DCC: variants seen among roughly 807,000 people sequenced by gnomAD.
The protein encoded by DCC is netrin receptor DCC.
A neutral mutation model predicts 172.5 loss-of-function variants in DCC; 58 were observed. The ratio of observed to expected loss-of-function variants is 0.34; its 90% CI spans 0.27 to 0.42. The LOEUF is 0.42. Ranked by LOEUF, DCC falls within the 10% of genes least tolerant of loss-of-function variation. DCC has a pLI of 1.00. For missense variants in DCC, 1,740 were observed against 1,791.0 expected, an observed-to-expected ratio of 0.97 and a Z score of 0.51; for synonymous variants, 709 against 644.5, an observed-to-expected ratio of 1.10 and a Z score of -1.52.
intron 5 of DCC, among the ~76,000 whole-genome samples, chr18:53,013,660 TAACA>T: frequency 6.7e-6 from 1 of 150,136 alleles, no homozygotes; most frequent in East Asian, 2.0e-4. Context: ...TATACTTGTG[TAACA>T]AACTTGCACA....
At chr18:52,669,760 C>T (rs1278831763) in intron 1 of DCC, among the ~76,000 whole-genome samples, 1 of 152,160 alleles carries the variant, frequency 6.6e-6, no homozygotes, top group Non-Finnish European at 1.5e-5. Context: ...AACCCCACCT[C>T]CATGGGGGTT....
rs565964932 is a variant in DCC at position 53,190,684 on chromosome 18, C to T, written c.1573+11568C>T. 2.0e-5 allele frequency among the ~76,000 whole-genome samples: 3 copies of T among 152,262 alleles called. No individual in the cohort carries two copies. The East Asian group carries it at 5.8e-4, about 29-fold the overall frequency. On this transcript the variant is annotated intron_variant, in intron 9 of 28. Transcript: ENST00000442544. ...AATCTCAGCAGGGCGTAGTGGTTCACGCCTGTAATCCCAGCACTTTGGGAG... is the reference window on the plus strand; with the variant it reads ...AATCTCAGCAGGGCGTAGTGGTTCATGCCTGTAATCCCAGCACTTTGGGAG...
intron 5 of DCC, among the ~76,000 whole-genome samples, chr18:52,943,036 T>C (rs1328940582): frequency 6.6e-6 from 1 of 152,222 alleles, no homozygotes; most frequent in Non-Finnish European, 1.5e-5. Context: ...CAAATTATTG[T>C]GATTATTTCC....
intron 1 of DCC, among the ~76,000 whole-genome samples, chr18:52,405,949 G>A (rs1986631987): frequency 6.6e-6 from 1 of 151,854 alleles, no homozygotes; most frequent in Admixed American, 6.6e-5. Context: ...AACCAAAACA[G>A]CATAGTACTG....
At chr18:52,597,703 G>C (rs944957935) in intron 1 of DCC, among the ~76,000 whole-genome samples, 6 of 152,176 alleles carry the variant, frequency 3.9e-5, no homozygotes, top group African/African-American at 1.4e-4. Context: ...CTCTCCTACA[G>C]GCACGTTGGT....
intron 7 of DCC, among the ~76,000 whole-genome samples, chr18:53,091,148 G>C (rs906617916): frequency 6.6e-6 from 1 of 151,954 alleles, no homozygotes; most frequent in Admixed American, 6.6e-5. Flanking sequence ...TACATGGTAA[G>C]CTGAAGAACG....
intron 12 of DCC, among the ~76,000 whole-genome samples, chr18:53,286,198 G>T (rs1399049003): frequency 5.3e-5 from 8 of 152,086 alleles, no homozygotes; most frequent in African/African-American, 1.9e-4. Context: ...GGGGCCGGGG[G>T]TGAAATGGTG....
At chr18:53,208,895 T>C (rs1216327601) in intron 11 of DCC, among the ~76,000 whole-genome samples, 1 of 152,062 alleles carries the variant, frequency 6.6e-6, no homozygotes, top group South Asian at 2.1e-4. Flanking sequence ...CACCCCTGGC[T>C]AGTTTTTGTA....
intron 27 of DCC, among the ~76,000 whole-genome samples, chr18:53,517,686 AG>A (rs1456842281): frequency 6.6e-6 from 1 of 152,048 alleles, no homozygotes; most frequent in East Asian, 1.9e-4. Flanking sequence ...GCACCTCATC[AG>A]CACGTCCCCA....
chr18:53,392,880 A>T (rs1269916690), intron 17 of DCC, among the ~76,000 whole-genome samples: 1 of 152,204 alleles, frequency 6.6e-6, no homozygotes, highest in Non-Finnish European at 1.5e-5. Flanking sequence ...CACATTTAGA[A>T]CTTAAAACTT....
chr18:53,500,044 AAACT>A (rs780699314), intron 27 of DCC, among the ~76,000 whole-genome samples: 16 of 152,234 alleles, frequency 1.1e-4, no homozygotes, highest in East Asian at 3.8e-4. Flanking sequence ...AAAAATGAAG[AAACT>A]AACTAACATT....
chr18:52,849,369 C>A lies in DCC; in HGVS notation c.413-56675C>A, dbSNP rs558867112. Among the ~76,000 whole-genome samples, 40 of 152,268 alleles carry A rather than the reference C, an allele frequency of 2.6e-4. 2 individuals carry two copies. The South Asian group carries it at 6.0e-3, about 23-fold the overall frequency. ...AAACAAAGACTGATTCCCTGCCAGT[C>A]TCTTTCACAAACCTTGCCAACAGTG... On this transcript the variant is annotated intron_variant, in intron 2 of 28. Coordinates refer to ENST00000442544, the MANE Select transcript of DCC (RefSeq NM_005215.4).
chr18:53,372,199 A>C (rs1350712510), intron 15 of DCC, among the ~76,000 whole-genome samples: 1 of 152,120 alleles, frequency 6.6e-6, no homozygotes, highest in African/African-American at 2.4e-5. Flanking sequence ...CAAATAAGCA[A>C]AGACATAGAA....
chr18:53,497,794 C>T (rs1295721435), intron 26 of DCC, among the ~76,000 whole-genome samples: 1 of 152,218 alleles, frequency 6.6e-6, no homozygotes, highest in Admixed American at 6.5e-5. Flanking sequence ...ACACTTTATC[C>T]TTAATACTGT....
intron 1 of DCC, among the ~76,000 whole-genome samples, chr18:52,474,886 T>C (rs920438786): frequency 2.0e-5 from 3 of 152,218 alleles, no homozygotes; most frequent in African/African-American, 4.8e-5. Context: ...TTTAGACCAT[T>C]GTTCAATGGA....
At chr18:52,341,148 G>C (rs926735946) in intron 1 of DCC, among the ~76,000 whole-genome samples, 5 of 150,992 alleles carry the variant, frequency 3.3e-5, no homozygotes, top group African/African-American at 1.2e-4. Flanking sequence ...TACTTGGGTT[G>C]GTTTGGAGAG....
intron 8 of DCC, among the ~76,000 whole-genome samples, chr18:53,163,840 A>G: frequency 6.6e-6 from 1 of 152,318 alleles, no homozygotes; most frequent in Non-Finnish European, 1.5e-5. Flanking sequence ...TTCAGAGACC[A>G]ATGATCAGAG....
chr18:52,453,049 G>A (rs1988354096), intron 1 of DCC, among the ~76,000 whole-genome samples: 1 of 152,226 alleles, frequency 6.6e-6, no homozygotes, highest in Non-Finnish European at 1.5e-5. Flanking sequence ...GCATTGGTGT[G>A]TCTGTGTACA....
In DCC at chr18:53,402,849, T is replaced by C. The variant is rs1431092131; in HGVS notation, c.2891T>C (p.Ile964Thr). Reference protein sequence around the residue: ...ITREGKPRAVIVSWQPPLEAN... With the variant: ...ITREGKPRAVTVSWQPPLEAN... Reference sequence around the variant, plus strand: ...AGGGAAGGGAAGCCTCGTGCCGTCATTGTGAGTTGGCAGCCTCCCTTGGAA... The same window carrying C: ...AGGGAAGGGAAGCCTCGTGCCGTCACTGTGAGTTGGCAGCCTCCCTTGGAA... The change falls in exon 19 of 29, where the codon ATT (isoleucine) becomes ACT (threonine). Residue 964 changes from isoleucine (I) to threonine (T), a missense_variant. By Grantham distance (89) the Ile-to-Thr change is moderately conservative (BLOSUM62 -1). This residue lies in a region of DCC where 1,732 missense variants were observed against 1,767.4 expected (regional missense o/e 0.98). Transcript: ENST00000442544. 4 of 1,613,982 alleles carry C rather than the reference T, an allele frequency of 2.5e-6. No individual in the cohort carries two copies. In the East Asian group the frequency reaches 6.7e-5, roughly 27 times the overall value.
Sources: allele counts gnomAD v4.1 joint callset (sites outside exome capture counted in the v4.1 genomes callset), GRCh38; gene constraint gnomAD v4.1.1; regional missense constraint gnomAD v4.1.1; transcripts MANE v1.5; gene names NCBI Gene and HGNC (gene_info 2026-07-23, HGNC 2026-07-21).